The following CCDC92B variants were observed in gnomAD, a reference collection of about 807,000 sequenced individuals.
The protein encoded by CCDC92B is coiled-coil domain-containing 92B.
A neutral mutation model predicts 5.6 loss-of-function variants in CCDC92B; 2 were observed. The observed-to-expected ratio is 0.36, with a 90% CI of 0.15 to 1.12. The LOEUF (loss-of-function observed/expected upper bound fraction) is 1.12. Ranked by LOEUF, CCDC92B falls within the 50% of genes most tolerant of loss-of-function variation. CCDC92B has a pLI of 0.40. For missense variants in CCDC92B, 271 were observed against 262.2 expected, an observed-to-expected ratio of 1.03 and a Z score of -0.23; for synonymous variants, 115 against 122.3, an observed-to-expected ratio of 0.94 and a Z score of 0.39.
At chr17:2,744,321 C>T (rs766110860) in intron 1 of CCDC92B, among the ~76,000 whole-genome samples, 12 of 152,008 alleles carry the variant, frequency 7.9e-5, no homozygotes, top group Non-Finnish European at 1.8e-4. Context: ...TGAGCCACTG[C>T]GCTGCACCCG....
At chr17:2,738,989 T>G (rs1204512291) in intron 1 of CCDC92B, among the ~76,000 whole-genome samples, 6 of 151,244 alleles carry the variant, frequency 4.0e-5, no homozygotes, top group African/African-American at 1.5e-4. Flanking sequence ...GAGAATCGCT[T>G]GAACCCAGGG....
intron 1 of CCDC92B, among the ~76,000 whole-genome samples, chr17:2,744,140 T>C (rs922016492): frequency 6.6e-6 from 1 of 152,152 alleles, no homozygotes; most frequent in African/African-American, 2.4e-5. Context: ...CCTCCCAAAG[T>C]GCTGGGATTA....
At chr17:2,749,053 A>G (rs934601650) in intron 1 of CCDC92B, among the ~76,000 whole-genome samples, 6 of 152,188 alleles carry the variant, frequency 3.9e-5, no homozygotes, top group African/African-American at 9.6e-5. Context: ...TATGCCTCCA[A>G]TATGACTCCC....
intron 3 of CCDC92B, among the ~76,000 whole-genome samples, chr17:2,726,563 C>A (rs1203626596): frequency 6.6e-6 from 1 of 150,966 alleles, no homozygotes; most frequent in Non-Finnish European, 1.5e-5. Flanking sequence ...GTCATCCTCC[C>A]GCCTCAGCCT....
intron 1 of CCDC92B, among the ~76,000 whole-genome samples, chr17:2,749,082 G>A (rs905298696): frequency 1.3e-5 from 2 of 152,230 alleles, no homozygotes; most frequent in Non-Finnish European, 2.9e-5. Flanking sequence ...CAGGGGTTGG[G>A]GGGGGGATGT....
At chr17:2,730,569 G>A (rs1414642292) in intron 2 of CCDC92B, 76 bp from the exon 3 acceptor site, 2 of 585,558 alleles carry the variant, frequency 3.4e-6, no homozygotes, top group South Asian at 1.7e-4. Flanking sequence ...GTGTGAGAGA[G>A]AGAGAGAGAG....
chr17:2,748,310 A>G, intron 1 of CCDC92B: 1 of 1,224,356 alleles, frequency 8.2e-7, no homozygotes, highest in Non-Finnish European at 1.1e-6. Context: ...TTTTACCATG[A>G]AGCCATCCCT....
chr17:2,734,499 T>C (rs1482064043), intron 2 of CCDC92B, among the ~76,000 whole-genome samples: 1 of 151,854 alleles, frequency 6.6e-6, no homozygotes, highest in East Asian at 1.9e-4. Flanking sequence ...CAGAGCTTTT[T>C]TTTTTTTTGA....
chr17:2,727,574 C>T (rs1232081915), intron 3 of CCDC92B, among the ~76,000 whole-genome samples: 3 of 152,302 alleles, frequency 2.0e-5, no homozygotes, highest in South Asian at 2.1e-4. Context: ...GCCTGTAATC[C>T]CAGCACTTTG....
At chr17:2,739,891 C>T (rs972725341) in intron 1 of CCDC92B, among the ~76,000 whole-genome samples, 1 of 152,016 alleles carries the variant, frequency 6.6e-6, no homozygotes, top group Non-Finnish European at 1.5e-5. Flanking sequence ...CAAGCACTGT[C>T]CTGGGTTTGG....
At chr17:2,738,454 T>C (rs2070879293) in intron 1 of CCDC92B, among the ~76,000 whole-genome samples, 1 of 151,948 alleles carries the variant, frequency 6.6e-6, no homozygotes, top group Admixed American at 6.6e-5. Flanking sequence ...CCTAGGATAG[T>C]TGTAAGGATT....
rs2070702125 is a variant in CCDC92B at position 2,724,603 on chromosome 17, G to A, written c.576C>T (p.Ala192=). ...AAAKGPGRDW[A]AWDRGAGALD... is the part of the protein sequence containing the mutation. Reference sequence around the variant, plus strand: ...GGGCGCCGGCCCCGCGGTCCCAGGCGGCCCAGTCCCGGCCGGGGCCCTTGG... The same window carrying A: ...GGGCGCCGGCCCCGCGGTCCCAGGCAGCCCAGTCCCGGCCGGGGCCCTTGG... The change falls in exon 4 of 4, where the codon GCC becomes GCT. Residue 192 remains alanine (A), a synonymous_variant. Transcript: ENST00000614400. The surrounding 1 kb of genome is among the most constrained non-coding windows in gnomAD (Gnocchi z 5.0). 5 of 981,946 alleles carry A rather than the reference G, an allele frequency of 5.1e-6. No homozygotes were observed. The highest frequency in any genetic ancestry group is 1.8e-5 in the African/African-American group (1 of 56,914). 60.8% of individuals were successfully genotyped at this position (981,946 alleles called of 1,614,324 possible).
rs187372750 is a variant in CCDC92B, at chr17:2,743,379, C to T, written c.-24+6032G>A. On this transcript the variant is annotated intron_variant, in intron 1 of 3. Transcript: ENST00000614400. ...CCGGGAGGCAGAGGTTGCAGTGAGC[C>T]GAGATCTCACTGCTGCACTCCAGCC... 2.7e-4 allele frequency among the ~76,000 whole-genome samples: 41 copies of T among 151,966 alleles called. 1 individual carries two copies. The East Asian group carries it at 5.8e-3, about 22-fold the overall frequency.
chr17:2,726,738 G>A (rs956582391), intron 3 of CCDC92B, among the ~76,000 whole-genome samples: 1 of 150,886 alleles, frequency 6.6e-6, no homozygotes, highest in Non-Finnish European at 1.5e-5. Context: ...CTCAGCCTCC[G>A]GAGTAGCTGG....
intron 1 of CCDC92B, among the ~76,000 whole-genome samples, chr17:2,741,692 G>A (rs1226859829): frequency 2.2e-4 from 32 of 146,572 alleles, no homozygotes; most frequent in Admixed American, 2.0e-3. Flanking sequence ...TCCCGGGTTC[G>A]CCTCATTCTC....
intron 2 of CCDC92B, among the ~76,000 whole-genome samples, chr17:2,732,707 ACT>A (rs1183780134): frequency 2.7e-5 from 4 of 145,596 alleles, no homozygotes; most frequent in East Asian, 4.1e-4. Context: ...ACAGAGCAAG[ACT>A]CTGTTGTAAA....
chr17:2,745,974 CCTT>C (rs2070981010), intron 1 of CCDC92B, among the ~76,000 whole-genome samples: 1 of 152,162 alleles, frequency 6.6e-6, no homozygotes, highest in African/African-American at 2.4e-5. Flanking sequence ...TTGTCCTTCT[CCTT>C]CTCCTTCTTT....
intron 1 of CCDC92B, among the ~76,000 whole-genome samples, chr17:2,736,890 A>G (rs1274886734): frequency 6.9e-6 from 1 of 145,264 alleles, no homozygotes; most frequent in Non-Finnish European, 1.5e-5. Flanking sequence ...CAAAAAATAA[A>G]TAAATAAATA....
At chr17:2,736,787 A>C (rs1029973059) in intron 1 of CCDC92B, among the ~76,000 whole-genome samples, 1 of 151,552 alleles carries the variant, frequency 6.6e-6, no homozygotes, top group African/African-American at 2.4e-5. Context: ...AGGCTGAGGC[A>C]CAAGGATTGC....
Sources: gnomAD v4.1 joint callset for allele counts (sites outside exome capture counted in the v4.1 genomes callset) on GRCh38, gnomAD v4.1.1 for gene constraint, Gnocchi (gnomAD v3.1) non-coding constraint, MANE v1.5 for transcripts, NCBI Gene and HGNC (gene_info 2026-07-23, HGNC 2026-07-21) for gene names.